NCAPG: variants seen among roughly 807,000 people sequenced by gnomAD.
NCAPG encodes the protein condensin complex subunit 3.
Under a neutral mutation model 113.1 loss-of-function variants are expected in NCAPG, and 69 were observed. The observed-to-expected ratio is 0.61, with a 90% CI of 0.50 to 0.75. NCAPG has a LOEUF of 0.75. Ranked by LOEUF, NCAPG falls within the 30% of genes least tolerant of loss-of-function variation. The pLI, the probability that NCAPG is intolerant of heterozygous loss-of-function variation, is 0.00. For missense variants in NCAPG, 1,058 were observed against 1,177.0 expected, an observed-to-expected ratio of 0.90 and a Z score of 1.48; for synonymous variants, 370 against 415.8, an observed-to-expected ratio of 0.89 and a Z score of 1.34.
intron 8 of NCAPG, 117 bp from the exon 9 acceptor site, chr4:17,823,530 G>A (rs1721541052): frequency 1.1e-6 from 1 of 880,756 alleles, no homozygotes; most frequent in Non-Finnish European, 1.7e-6. Flanking sequence ...CTATTATAGT[G>A]ATAAACCTAA....
At chr4:17,826,567 C>A (rs1721666200) in intron 11 of NCAPG, among the ~76,000 whole-genome samples, 1 of 152,126 alleles carries the variant, frequency 6.6e-6, no homozygotes, top group Non-Finnish European at 1.5e-5. Flanking sequence ...TGAAAAATGA[C>A]AAACTTTAGG....
chr4:17,832,673 C>T (rs1262801101), intron 13 of NCAPG, among the ~76,000 whole-genome samples: 1 of 151,954 alleles, frequency 6.6e-6, no homozygotes, highest in Non-Finnish European at 1.5e-5. Flanking sequence ...TAGTATGCAA[C>T]GCTTAGAGAT....
rs1721549757 is a variant in NCAPG at position 17,823,759 on chromosome 4, A to G, written c.1372A>G (p.Arg458Gly). The G allele has an allele frequency of 2.5e-6, 4 of 1,594,324 alleles. No individual in the cohort carries two copies. The highest frequency in any genetic ancestry group is 3.4e-6 in the Non-Finnish European group (4 of 1,165,860). Residue 458 changes from arginine (R) to glycine (G), a missense_variant, in exon 9 of 21, where the codon AGA becomes GGA. Physicochemically the swap from Arg to Gly is moderately radical, Grantham distance 125 (BLOSUM62 -2). Coordinates refer to ENST00000251496, the MANE Select transcript of NCAPG (RefSeq NM_022346.5). Reference sequence around the variant, plus strand: ...CCACATCATTATAGATGATAATAAGAGAACACAAATTGTAAGTAATTTTCC... The same window carrying G: ...CCACATCATTATAGATGATAATAAGGGAACACAAATTGTAAGTAATTTTCC... ...LLHIIIDDNK[R>G]TQIVTEIISE...
intron 19 of NCAPG, among the ~76,000 whole-genome samples, chr4:17,841,032 T>TA (rs1722350743): frequency 6.6e-6 from 1 of 152,024 alleles, no homozygotes. Flanking sequence ...TAAGCATTTT[T>TA]AAAAAATCCC....
chr4:17,825,012 T>A lies in NCAPG; in HGVS notation c.1428T>A (p.Val476=). ...ISEIRAPIVT[V]GVNNDPADVR... ...AGATTCGGGCGCCCATTGTTACTGT[T>A]GGTGTTAATAACGATCCAGCTGATG... Residue 476 remains valine, a synonymous_variant, in exon 10 of 21, where the codon GTT becomes GTA. Coordinates refer to ENST00000251496, the MANE Select transcript of NCAPG (RefSeq NM_022346.5). The A allele has an allele frequency of 6.8e-6, 11 of 1,612,988 alleles. No homozygotes were observed. The highest frequency in any genetic ancestry group is 9.3e-6 in the Non-Finnish European group (11 of 1,179,344).
At chr4:17,817,524 C>T in intron 6 of NCAPG, 71 bp downstream of exon 6, 2 of 1,238,188 alleles carry the variant, frequency 1.6e-6, no homozygotes, top group Non-Finnish European at 2.3e-6. Flanking sequence ...TTTTTTCCTC[C>T]CCATAGCTTA....
intron 14 of NCAPG, 118 bp downstream of exon 14, chr4:17,834,641 C>T: frequency 1.5e-6 from 1 of 667,534 alleles, no homozygotes; most frequent in Non-Finnish European, 2.3e-6. Flanking sequence ...GCAGAACATA[C>T]AGGTTTGTTA....
rs1466188098 is a variant in NCAPG, at chr4:17,811,493, G to A, written c.111+305G>A. On this transcript the variant is annotated intron_variant, in intron 1 of 20. Coordinates refer to ENST00000251496, the MANE Select transcript of NCAPG (RefSeq NM_022346.5). This position sits in a 1 kb window ranked among gnomAD's most constrained non-coding sequence, Gnocchi z 5.3. ...TCCTTAGTCCGATCGTGAACGTGGAGAGAAACATTTACGACCACCGAGGCG... is the reference window on the plus strand; with the variant it reads ...TCCTTAGTCCGATCGTGAACGTGGAAAGAAACATTTACGACCACCGAGGCG... Among the ~76,000 whole-genome samples the A allele has an allele frequency of 2.0e-5, 3 of 151,524 alleles. No homozygotes were observed. The highest frequency in any genetic ancestry group is 4.4e-5 in the Non-Finnish European group (3 of 67,886).
chr4:17,812,816 G>A, intron 2 of NCAPG, 101 bp from the exon 3 acceptor site: 2 of 972,750 alleles, frequency 2.1e-6, no homozygotes, highest in Non-Finnish European at 1.6e-6. Flanking sequence ...ATGAATTGTT[G>A]TTGTAACTTC....
chr4:17,824,294 T>A (rs944780761), intron 9 of NCAPG, among the ~76,000 whole-genome samples: 2 of 152,184 alleles, frequency 1.3e-5, no homozygotes, highest in African/African-American at 4.8e-5. Context: ...ATTTCAGTGT[T>A]ATTTTTTTCT....
chr4:17,825,690 A>G, intron 11 of NCAPG, 129 bp downstream of exon 11: 1 of 760,418 alleles, frequency 1.3e-6, no homozygotes, highest in Non-Finnish European at 1.9e-6. Context: ...GACATGAATT[A>G]AAATGAAAAA....
rs913659749 is a variant in NCAPG, at chr4:17,811,296, C to T, written c.111+108C>T. The T allele has an allele frequency of 1.6e-6, 1 of 623,866 alleles. No homozygotes were observed. Among genetic ancestry groups the T allele is most frequent in the African/African-American group, 2.0e-5 (1 of 50,640 alleles). 38.6% of individuals were successfully genotyped at this position (623,866 alleles called of 1,614,324 possible). A position where few individuals can be genotyped will look rare whatever the true frequency, so the allele number is the denominator to read the frequency against. On this transcript the variant is annotated intron_variant, in intron 1 of 20. Transcript: ENST00000251496. This position sits in a 1 kb window ranked among gnomAD's most constrained non-coding sequence, Gnocchi z 5.3. ...GGCGCACCGTGACTCCAGCCTTGTT[C>T]ACCTTCGCGACTCACTTCATAGGGA...
chr4:17,842,464 TGA>T, intron 20 of NCAPG, 85 bp downstream of exon 20: 3 of 1,037,602 alleles, frequency 2.9e-6, no homozygotes, highest in Non-Finnish European at 4.5e-6. Flanking sequence ...TTCTTGCGAA[TGA>T]GAGAGAATAT....
Position 17,811,039 on chromosome 4 carries a change from GAGCGCGGGCA to G in NCAPG, c.-38_-29del. ...GTTGGCGGGCTGGCAGGCTGTAGCC[GAGCGCGGGCA>G]GGACTCGTCCCGGCAGGGTTCCAGA... On this transcript the variant is annotated 5_prime_UTR_variant, in exon 1 of 21. Transcript: ENST00000251496. The surrounding 1 kb of genome is among the most constrained non-coding windows in gnomAD (Gnocchi z 5.3). 1 of 1,340,764 alleles carries G rather than the reference GAGCGCGGGCA, an allele frequency of 7.5e-7. No homozygotes were observed. Among genetic ancestry groups the G allele is most frequent in the African/African-American group, 1.5e-5 (1 of 65,460 alleles). The allele number at this position is 1,340,764 out of a possible 1,614,324, so 83.1% of individuals were successfully genotyped here.
intron 13 of NCAPG, among the ~76,000 whole-genome samples, chr4:17,833,485 TTTGTTGTTGTTG>T (rs11431250): frequency 6.7e-6 from 1 of 148,406 alleles, no homozygotes; most frequent in Admixed American, 6.7e-5. Flanking sequence ...TATATATATT[TTTGTTGTTGTTG>T]TTGTTGTTGT....
rs116534300 is a variant in NCAPG at position 17,824,743 on chromosome 4, C to T, written c.1384-225C>T. Among the ~76,000 whole-genome samples, 400 of 152,078 alleles carry T rather than the reference C, an allele frequency of 2.6e-3. 2 individuals are homozygous for T. Among genetic ancestry groups the T allele is most frequent in the African/African-American group, 8.5e-3 (352 of 41,532 alleles). On this transcript the variant is annotated intron_variant, in intron 9 of 20. Transcript: ENST00000251496. ...TAATTTACTTTCACTGTCTGTGTGC[C>T]TATTTCCCTTCCATTCAAATAATTT... is the stretch of plus-strand genomic sequence containing the variant.
intron 14 of NCAPG, 84 bp downstream of exon 14, chr4:17,834,607 T>C: frequency 1.1e-6 from 1 of 916,468 alleles, no homozygotes; most frequent in Non-Finnish European, 1.5e-6. Context: ...AAATTTATTA[T>C]AGTTTAAGTC....
chr4:17,814,799 CTG>C lies in NCAPG; in HGVS notation c.545-52_545-51del, dbSNP rs1721132138. ...TATCAAAATGTGTGTTATTTTATGA[CTG>C]TAGTTAAATAAATAATTTCATCAGT... is the stretch of plus-strand genomic sequence containing the variant. On this transcript the variant is annotated intron_variant, in intron 3 of 20. Transcript: ENST00000251496. 8 of 1,529,328 alleles carry C rather than the reference CTG, an allele frequency of 5.2e-6. No homozygotes were observed. The South Asian group carries it at 6.8e-5, about 13-fold the overall frequency. The allele number at this position is 1,529,328 out of a possible 1,614,324, so 94.7% of individuals were successfully genotyped here.
intron 11 of NCAPG, 36 bp from the exon 12 acceptor site, chr4:17,828,242 A>T (rs987637608): frequency 7.6e-6 from 11 of 1,449,254 alleles, no homozygotes; most frequent in Non-Finnish European, 9.6e-6. Flanking sequence ...TGGGGAGAAG[A>T]TATTACTAAT....
Sources: allele counts gnomAD v4.1 joint callset (sites outside exome capture counted in the v4.1 genomes callset), GRCh38; gene constraint gnomAD v4.1.1; non-coding constraint Gnocchi (gnomAD v3.1); transcripts MANE v1.5; gene names NCBI Gene and HGNC (gene_info 2026-07-23, HGNC 2026-07-21).